The following MAPKAPK3 variants were observed in gnomAD, a reference collection of about 807,000 sequenced individuals.
MAPKAPK3 encodes the protein MAP kinase-activated protein kinase 3.
MAPKAPK3 carries 35 observed loss-of-function variants against 49.2 expected under a neutral mutation model. The ratio of observed to expected loss-of-function variants is 0.71; its 90% CI spans 0.54 to 0.94. The LOEUF is 0.94. MAPKAPK3 is among the 40% of genes least tolerant of loss of function. The pLI, the probability that MAPKAPK3 is intolerant of heterozygous loss-of-function variation, is 0.00. For missense variants in MAPKAPK3, 398 were observed against 493.1 expected, an observed-to-expected ratio of 0.81 and a Z score of 1.83; for synonymous variants, 178 against 188.7, an observed-to-expected ratio of 0.94 and a Z score of 0.46.
At chr3:50,623,886 G>C (rs896721512) in intron 2 of MAPKAPK3, among the ~76,000 whole-genome samples, 1 of 152,240 alleles carries the variant, frequency 6.6e-6, no homozygotes, top group South Asian at 2.1e-4. Flanking sequence ...GGCAGCCCCA[G>C]CTGGGCCCTG....
rs1008181198 is a variant in MAPKAPK3, at chr3:50,631,196, C to T, written c.220-9170C>T. On this transcript the variant is annotated intron_variant, in intron 2 of 10. Coordinates refer to ENST00000621469, the MANE Select transcript of MAPKAPK3 (RefSeq NM_001243925.2). ...TACCTCCTTTAATGAGCTACGAAAG[C>T]TCGGAGAATGAGTTTGTGAGAGAAT... 7.9e-5 allele frequency among the ~76,000 whole-genome samples: 12 copies of T among 152,170 alleles called. 1 individual carries two copies. Among genetic ancestry groups the T allele is most frequent in the African/African-American group, 2.2e-4 (9 of 41,424 alleles).
rs780910529 is a variant in MAPKAPK3, at chr3:50,646,269, G to A, written c.829+5G>A. 6.2e-7 allele frequency: 1 copy of A among 1,614,088 alleles called. No homozygotes were observed. The highest frequency in any genetic ancestry group is 8.5e-7 in the Non-Finnish European group (1 of 1,179,998). ...GGTCAGAAGTCTCTGAGGATGGTGA[G>A]TGAACCTCTCTGTCCCAGCCTGACT... On this transcript the variant is annotated splice_donor_5th_base_variant and intron_variant, in intron 8 of 10. Transcript: ENST00000621469.
Position 50,648,388 on chromosome 3 carries a change from C to T in MAPKAPK3, c.*342C>T. ...TAGGCCACTGGGAGTTGTGGCTGGG[C>T]TTCCCATCTTCCACAGAGACATCTC... On this transcript the variant is annotated 3_prime_UTR_variant, in exon 11 of 11. Transcript: ENST00000621469. 5.2e-6 allele frequency: 1 copy of T among 192,506 alleles called. No homozygotes were observed. 11.9% of individuals were successfully genotyped at this position (192,506 alleles called of 1,614,324 possible).
chr3:50,642,251 A>C lies in MAPKAPK3; in HGVS notation c.425-2A>C. ...TGACCCCCTCCTCCTCTGTTTCTGC[A>C]GAAGCTGCAGAGATAATGCGGGATA... On this transcript the variant is annotated splice_acceptor_variant, in intron 4 of 10. Coordinates refer to ENST00000621469, the MANE Select transcript of MAPKAPK3 (RefSeq NM_001243925.2). LOFTEE classifies it high-confidence loss of function. 1 of 1,611,188 alleles carries C rather than the reference A, an allele frequency of 6.2e-7. No individual in the cohort carries two copies. The highest frequency in any genetic ancestry group is 8.5e-7 in the Non-Finnish European group (1 of 1,177,528).
At chr3:50,630,118 G>A (rs1222396227) in intron 2 of MAPKAPK3, among the ~76,000 whole-genome samples, 1 of 152,236 alleles carries the variant, frequency 6.6e-6, no homozygotes, top group African/African-American at 2.4e-5. Context: ...TCCCTCAGAA[G>A]GGGCTGGCCT....
intron 2 of MAPKAPK3, among the ~76,000 whole-genome samples, chr3:50,624,182 G>T (rs1476557177): frequency 6.6e-6 from 1 of 152,234 alleles, no homozygotes; most frequent in Non-Finnish European, 1.5e-5. Context: ...TCCTGGAAGA[G>T]GTTGCCAGTT....
intron 6 of MAPKAPK3, 128 bp downstream of exon 6, chr3:50,644,660 G>A: frequency 3.0e-6 from 3 of 985,786 alleles, no homozygotes; most frequent in Non-Finnish European, 4.4e-6. Flanking sequence ...AATTCTGTCT[G>A]CATGGAGGCG....
At chr3:50,631,029 C>G (rs575416255) in intron 2 of MAPKAPK3, among the ~76,000 whole-genome samples, 1 of 152,268 alleles carries the variant, frequency 6.6e-6, no homozygotes, top group Non-Finnish European at 1.5e-5. Context: ...TCATGTGAGC[C>G]GCCCTCCTTG....
At chr3:50,638,854 A>G (rs977288215) in intron 2 of MAPKAPK3, among the ~76,000 whole-genome samples, 5 of 152,212 alleles carry the variant, frequency 3.3e-5, no homozygotes, top group Non-Finnish European at 5.9e-5. Flanking sequence ...CCAGGGTCCT[A>G]TGGCTGCTGA....
chr3:50,620,147 C>T (rs2032574600), intron 2 of MAPKAPK3, among the ~76,000 whole-genome samples: 1 of 152,226 alleles, frequency 6.6e-6, no homozygotes, highest in Admixed American at 6.5e-5. Context: ...TTTTACCTGT[C>T]TTGTGAGTGG....
At chr3:50,625,160 G>A (rs914181813) in intron 2 of MAPKAPK3, among the ~76,000 whole-genome samples, 4 of 152,074 alleles carry the variant, frequency 2.6e-5, no homozygotes, top group African/African-American at 9.7e-5. Flanking sequence ...ATATGTGGTG[G>A]GGAGTAGGAT....
At chr3:50,616,974 G>A (rs2032479239), upstream of MAPKAPK3, among the ~76,000 whole-genome samples, 1 of 151,882 alleles carries the variant, frequency 6.6e-6, no homozygotes, top group Non-Finnish European at 1.5e-5. Context: ...GGGAAGCCAC[G>A]CCTCCTATTT....
chr3:50,613,108 T>C (rs1246527819), upstream of MAPKAPK3, among the ~76,000 whole-genome samples: 2 of 151,746 alleles, frequency 1.3e-5, no homozygotes, highest in Non-Finnish European at 2.9e-5. Context: ...TTTGGAGAGG[T>C]TGCAGGGTCC....
chr3:50,612,602 G>A (rs1036290696), upstream of MAPKAPK3: 1 of 152,056 alleles, frequency 6.6e-6, no homozygotes, highest in Non-Finnish European at 1.5e-5. Context: ...TCCAGTCTTG[G>A]CTGGCACTGG....
chr3:50,613,570 A>T (rs982022452), upstream of MAPKAPK3, among the ~76,000 whole-genome samples: 1 of 152,174 alleles, frequency 6.6e-6, no homozygotes, highest in African/African-American at 2.4e-5. Context: ...CCACTGTCTC[A>T]TTACTATGAA....
At chr3:50,642,185 A>C in intron 4 of MAPKAPK3, 68 bp from the exon 5 acceptor site, 1 of 1,001,252 alleles carries the variant, frequency 1.0e-6, no homozygotes, top group Non-Finnish European at 1.6e-6. Flanking sequence ...TGTGTCCAGG[A>C]GGGATGATAG....
intron 2 of MAPKAPK3, among the ~76,000 whole-genome samples, chr3:50,621,285 C>T (rs1417619250): frequency 6.6e-6 from 1 of 151,958 alleles, no homozygotes; most frequent in East Asian, 1.9e-4. Flanking sequence ...TGGTAAGACC[C>T]TTATCTCTAC....
chr3:50,614,275 CT>C (rs2032407693), upstream of MAPKAPK3, among the ~76,000 whole-genome samples: 1 of 152,154 alleles, frequency 6.6e-6, no homozygotes, highest in Non-Finnish European at 1.5e-5. Context: ...GCGGTGCCCC[CT>C]CTCATGCCCT....
chr3:50,639,146 A>ATGCT (rs1463281773), intron 2 of MAPKAPK3, among the ~76,000 whole-genome samples: 2 of 152,186 alleles, frequency 1.3e-5, no homozygotes, highest in Non-Finnish European at 1.5e-5. Context: ...CGCCCACTGG[A>ATGCT]TGCTTGCCTT....
Sources: gnomAD v4.1 joint callset for allele counts (sites outside exome capture counted in the v4.1 genomes callset) on GRCh38, gnomAD v4.1.1 for gene constraint, MANE v1.5 for transcripts, NCBI Gene and HGNC (gene_info 2026-07-23, HGNC 2026-07-21) for gene names.